Variants in BMERB1 observed in about 807,000 individuals in gnomAD.
BMERB1 encodes the protein bMERB domain containing 1.
BMERB1 carries 12 observed loss-of-function variants against 23.6 expected under a neutral mutation model. That is an observed-to-expected ratio of 0.51 (90% CI 0.33 to 0.82). The LOEUF is 0.82. Among genes scored for constraint, BMERB1 ranks in the 40% least tolerant of loss-of-function variants. BMERB1 has a pLI of 0.03. For synonymous variants in BMERB1, 122 were observed against 96.6 expected, an observed-to-expected ratio of 1.26 and a Z score of -1.54; for missense variants, 247 against 255.4, an observed-to-expected ratio of 0.97 and a Z score of 0.22.
At chr16:15,491,339 A>C (rs1598468770) in intron 1 of BMERB1, among the ~76,000 whole-genome samples, 1 of 151,668 alleles carries the variant, frequency 6.6e-6, no homozygotes, top group African/African-American at 2.4e-5. Flanking sequence ...TGGGAAACAC[A>C]GTGACTTTTT....
intron 1 of BMERB1, among the ~76,000 whole-genome samples, chr16:15,490,210 C>G (rs1442267083): frequency 1.3e-5 from 2 of 152,078 alleles, no homozygotes; most frequent in Non-Finnish European, 2.9e-5. Context: ...CAAACCAGGA[C>G]TTCAGCTTCT....
intron 2 of BMERB1, among the ~76,000 whole-genome samples, chr16:15,555,814 C>T (rs1228919098): frequency 6.6e-6 from 1 of 152,148 alleles, no homozygotes; most frequent in Admixed American, 6.5e-5. Flanking sequence ...CGTTTAAGCT[C>T]ATGAATCCTA....
intron 1 of BMERB1, among the ~76,000 whole-genome samples, chr16:15,462,398 C>A (rs987882809): frequency 6.6e-6 from 1 of 151,796 alleles, no homozygotes; most frequent in Non-Finnish European, 1.5e-5. Flanking sequence ...GTGATCCGCC[C>A]GCCTTGGCCT....
intron 2 of BMERB1, among the ~76,000 whole-genome samples, chr16:15,515,857 G>C (rs576016503): frequency 2.1e-4 from 32 of 152,280 alleles, no homozygotes; most frequent in African/African-American, 7.2e-4. Flanking sequence ...AAAATAACAA[G>C]ATGGGGTCTC....
At chr16:15,496,696 G>A (rs1010637636) in intron 1 of BMERB1, among the ~76,000 whole-genome samples, 7 of 151,916 alleles carry the variant, frequency 4.6e-5, no homozygotes, top group Non-Finnish European at 7.4e-5. Context: ...CCGCCACCAC[G>A]CCCGGCTAAT....
chr16:15,486,397 A>G (rs953878209), intron 1 of BMERB1, among the ~76,000 whole-genome samples: 1 of 152,128 alleles, frequency 6.6e-6, no homozygotes, highest in Middle Eastern at 3.2e-3. Context: ...TTGTGAATCA[A>G]GGAGGTCCCT....
chr16:15,440,361 C>T (rs996856362), intron 1 of BMERB1, among the ~76,000 whole-genome samples: 19 of 151,320 alleles, frequency 1.3e-4, no homozygotes, highest in African/African-American at 3.9e-4. Flanking sequence ...TCCATAAGCC[C>T]GGGGGAGATG....
intron 2 of BMERB1, among the ~76,000 whole-genome samples, chr16:15,544,860 A>T (rs1046519164): frequency 2.0e-5 from 3 of 152,186 alleles, no homozygotes; most frequent in African/African-American, 7.2e-5. Context: ...TTAGGAAGAC[A>T]CTCTATCAGA....
chr16:15,552,227 G>T (rs1365163651), intron 2 of BMERB1, among the ~76,000 whole-genome samples: 3 of 152,018 alleles, frequency 2.0e-5, no homozygotes, highest in Non-Finnish European at 1.5e-5. Context: ...ATCACTTGAG[G>T]TCAGGAGTTC....
At chr16:15,513,544 C>T (rs577656377) in intron 1 of BMERB1, among the ~76,000 whole-genome samples, 17 of 152,172 alleles carry the variant, frequency 1.1e-4, no homozygotes, top group African/African-American at 4.1e-4. Context: ...TATACATTCA[C>T]ACGCATATAT....
intron 1 of BMERB1, among the ~76,000 whole-genome samples, chr16:15,503,825 G>C (rs194248): frequency 0.052 from 7,869 of 152,230 alleles, 272 homozygotes; most frequent in South Asian, 0.088. Context: ...TCTGTCTTAA[G>C]CCAATGACCC....
At chr16:15,540,101 C>T (rs532368587) in intron 2 of BMERB1, among the ~76,000 whole-genome samples, 6 of 152,028 alleles carry the variant, frequency 3.9e-5, no homozygotes, top group Non-Finnish European at 8.8e-5. Context: ...GAGCTGATAT[C>T]ACGCCACTGC....
At chr16:15,499,536 A>C (rs1461358459) in intron 1 of BMERB1, among the ~76,000 whole-genome samples, 1 of 152,194 alleles carries the variant, frequency 6.6e-6, no homozygotes, top group Non-Finnish European at 1.5e-5. Flanking sequence ...ATGTTTCCAG[A>C]AAGAAATTCC....
At chr16:15,494,243 A>G (rs1226711067) in intron 1 of BMERB1, among the ~76,000 whole-genome samples, 1 of 152,168 alleles carries the variant, frequency 6.6e-6, no homozygotes, top group African/African-American at 2.4e-5. Context: ...ATCAATTTCC[A>G]CAATTTTAAT....
In BMERB1 at chr16:15,587,536, T is replaced by C. The variant is rs995837948; in HGVS notation, c.*707T>C. ...TGCCTGGAGGGGGCCTGGACTGGCA[T>C]GGATCCAGTGTGCAGAAGAGCCAGC... On this transcript the variant is annotated 3_prime_UTR_variant, in exon 6 of 6. Transcript: ENST00000300006. 4.4e-6 allele frequency: 2 copies of C among 452,580 alleles called. No homozygotes were observed. The highest frequency in any genetic ancestry group is 4.0e-5 in the African/African-American group (2 of 49,904). 28.0% of individuals were successfully genotyped at this position (452,580 alleles called of 1,614,324 possible).
intron 1 of BMERB1, among the ~76,000 whole-genome samples, chr16:15,484,256 C>T (rs917305797): frequency 1.3e-5 from 2 of 152,162 alleles, no homozygotes; most frequent in African/African-American, 4.8e-5. Context: ...GATGTTCAGA[C>T]CACATCAAAA....
At chr16:15,471,003 A>C (rs574279911) in intron 1 of BMERB1, among the ~76,000 whole-genome samples, 4 of 150,412 alleles carry the variant, frequency 2.7e-5, no homozygotes, top group African/African-American at 9.8e-5. Flanking sequence ...CGCCCAGCTA[A>C]TTTTTTGTAT....
chr16:15,503,123 A>G (rs1404616109), intron 1 of BMERB1, among the ~76,000 whole-genome samples: 3 of 152,206 alleles, frequency 2.0e-5, no homozygotes, highest in South Asian at 2.1e-4. Flanking sequence ...ACCAAGAAGC[A>G]AAACTTTGAG....
intron 1 of BMERB1, among the ~76,000 whole-genome samples, chr16:15,505,144 C>T (rs1263708285): frequency 6.6e-6 from 1 of 152,168 alleles, no homozygotes; most frequent in Non-Finnish European, 1.5e-5. Context: ...CATTTTACAT[C>T]CTATCCAACA....
Sources: allele counts gnomAD v4.1 joint callset (sites outside exome capture counted in the v4.1 genomes callset), GRCh38; gene constraint gnomAD v4.1.1; transcripts MANE v1.5; gene names NCBI Gene and HGNC (gene_info 2026-07-23, HGNC 2026-07-21).